The following MYO1C variants were observed in gnomAD, a reference collection of about 807,000 sequenced individuals.
The protein encoded by MYO1C is unconventional myosin-Ic.
MYO1C carries 104 observed loss-of-function variants against 150.8 expected under a neutral mutation model. That is an observed-to-expected ratio of 0.69 (90% CI 0.59 to 0.81). The LOEUF (loss-of-function observed/expected upper bound fraction) is 0.81, where lower values mean the gene tolerates loss of function less well. Ranked by LOEUF, MYO1C falls within the 30% of genes least tolerant of loss-of-function variation. The probability of loss-of-function intolerance (pLI) is 0.00; values close to 1 mark genes in which losing one functional copy is unlikely to be tolerated. For missense variants in MYO1C, 1,504 were observed against 1,435.0 expected (o/e 1.05, Z -0.78); for synonymous variants, 663 against 579.9 (o/e 1.14, Z -2.06).
chr17:1,481,828 A>T (rs2074529088), intron 5 of MYO1C, among the ~76,000 whole-genome samples: 1 of 146,974 alleles, frequency 6.8e-6, no homozygotes, highest in South Asian at 2.1e-4. Flanking sequence ...CTCAGAGTTA[A>T]AAAAAAAAAA....
chr17:1,477,687 A>T, intron 13 of MYO1C, 91 bp from the exon 14 acceptor site: 1 of 1,111,570 alleles, frequency 9.0e-7, no homozygotes, highest in Non-Finnish European at 1.4e-6. Flanking sequence ...GCACAGACAC[A>T]GGGGAGGGGC....
intron 1 of MYO1C, chr17:1,491,727 G>A: frequency 1.2e-6 from 1 of 842,314 alleles, no homozygotes; most frequent in Non-Finnish European, 1.4e-6. Context: ...TCGTCATCCC[G>A]GGCAGGGCCG....
intron 1 of MYO1C, chr17:1,484,600 G>A (rs1253628092): frequency 1.1e-5 from 6 of 552,664 alleles, no homozygotes; most frequent in Non-Finnish European, 9.8e-6. Flanking sequence ...ACAGGGCATG[G>A]ACGCAGGCAG....
chr17:1,467,918 G>T lies in MYO1C; in HGVS notation c.2897-8C>A, dbSNP rs776231426. 2 of 1,612,582 alleles carry T rather than the reference G, an allele frequency of 1.2e-6. No homozygotes were observed. Among genetic ancestry groups the T allele is most frequent in the East Asian group, 4.5e-5 (2 of 44,834 alleles). On this transcript the variant is annotated splice_polypyrimidine_tract_variant and splice_region_variant and intron_variant, in intron 28 of 31. Coordinates refer to ENST00000648651, the MANE Select transcript of MYO1C (RefSeq NM_001080779.2). ...GGCTGCTGACAGAGATTCCTGAGGG[G>T]AGAGGGCAAAGGTCAGAGGTCGAGG...
In MYO1C at chr17:1,469,477, C is replaced by A. The variant is rs935589074; in HGVS notation, c.2610+54G>T. 2.9e-6 allele frequency: 4 copies of A among 1,360,142 alleles called. No homozygotes were observed. In the African/African-American group the frequency reaches 6.6e-5, roughly 22 times the overall value. The allele number at this position is 1,360,142 out of a possible 1,614,324, so 84.3% of individuals were successfully genotyped here. The stretch of plus-strand genomic sequence containing the variant: ...CCAGGCGGACACCCTTTGAGCAATG[C>A]TTGCGACTCCCTGACTCCACTTCCT... On this transcript the variant is annotated intron_variant, in intron 25 of 31. Transcript: ENST00000648651.
rs773642191 is a variant in MYO1C, at chr17:1,478,050, C to G, written c.1401+37G>C. 1.9e-6 allele frequency: 3 copies of G among 1,612,748 alleles called. No individual in the cohort carries two copies. The highest frequency in any genetic ancestry group is 3.3e-5 in the Admixed American group (2 of 60,010). On this transcript the variant is annotated intron_variant, in intron 12 of 31. Transcript: ENST00000648651. The surrounding 1 kb of genome is among the most constrained non-coding windows in gnomAD (Gnocchi z 6.3). ...CAGGGGCCCCGATACCCAGGCTCCCCGTGGCCCACGGAGAGTGCCCCCAGG... is the reference window on the plus strand; with the variant it reads ...CAGGGGCCCCGATACCCAGGCTCCCGGTGGCCCACGGAGAGTGCCCCCAGG...
intron 23 of MYO1C, 48 bp downstream of exon 23, chr17:1,470,386 AC>A (rs1386717682): frequency 1.9e-6 from 3 of 1,543,598 alleles, no homozygotes; most frequent in Non-Finnish European, 8.8e-7. Context: ...GCGGTGAACC[AC>A]CCCCCACGCC....
chr17:1,486,645 A>G (rs2074661992), intron 1 of MYO1C, among the ~76,000 whole-genome samples: 1 of 151,944 alleles, frequency 6.6e-6, no homozygotes, highest in East Asian at 1.9e-4. Context: ...CCTCCCGAGT[A>G]GCTGGGATTA....
rs201086772 is a variant in MYO1C, at chr17:1,478,407, G to C, written c.1295+3C>G. 1.6e-5 allele frequency: 26 copies of C among 1,614,012 alleles called. No individual in the cohort carries two copies. Among genetic ancestry groups the C allele is most frequent in the Non-Finnish European group, 1.9e-5 (22 of 1,180,028 alleles). Reference sequence around the variant, plus strand: ...GGAGAGACGGGGGAAAGATGGCACCGACCTGTTATGCTGAAACACTTCAAA... The same window carrying C: ...GGAGAGACGGGGGAAAGATGGCACCCACCTGTTATGCTGAAACACTTCAAA... On this transcript the variant is annotated splice_donor_region_variant and intron_variant, in intron 11 of 31. Coordinates refer to ENST00000648651, the MANE Select transcript of MYO1C (RefSeq NM_001080779.2). The surrounding 1 kb of genome is among the most constrained non-coding windows in gnomAD (Gnocchi z 6.3).
In MYO1C at chr17:1,478,364, C is replaced by T; in HGVS notation, c.1295+46G>A. The T allele has an allele frequency of 6.2e-7, 1 of 1,607,360 alleles. No individual in the cohort carries two copies. The highest frequency in any genetic ancestry group is 8.5e-7 in the Non-Finnish European group (1 of 1,173,960). Reference sequence around the variant, plus strand: ...AGGCTGGAGGACAGAAGAGAGGGAGCAGGACAGGAGACCGGGAGGAGAGAC... The same window carrying T: ...AGGCTGGAGGACAGAAGAGAGGGAGTAGGACAGGAGACCGGGAGGAGAGAC... On this transcript the variant is annotated intron_variant, in intron 11 of 31. Coordinates refer to ENST00000648651, the MANE Select transcript of MYO1C (RefSeq NM_001080779.2). This position sits in a 1 kb window ranked among gnomAD's most constrained non-coding sequence, Gnocchi z 6.3.
intron 17 of MYO1C, among the ~76,000 whole-genome samples, chr17:1,472,881 A>C (rs1278253983): frequency 6.6e-6 from 1 of 152,136 alleles, no homozygotes; most frequent in Non-Finnish European, 1.5e-5. Context: ...CAGTGGCTGG[A>C]CAAGGGAGAC....
intron 19 of MYO1C, among the ~76,000 whole-genome samples, 179 bp downstream of exon 19, chr17:1,471,728 T>A (rs1004836567): frequency 6.6e-6 from 1 of 151,824 alleles, no homozygotes; most frequent in African/African-American, 2.4e-5. Context: ...AGCCGGGTAT[T>A]CTTTCCACCC....
intron 1 of MYO1C, chr17:1,484,872 T>TGCCCCC: frequency 5.9e-6 from 2 of 341,198 alleles, no homozygotes; most frequent in South Asian, 4.4e-5. Context: ...GGGCCGTCTC[T>TGCCCCC]CCCACCCAGA....
intron 1 of MYO1C, among the ~76,000 whole-genome samples, chr17:1,490,100 T>C (rs2074711669): frequency 6.6e-6 from 1 of 151,452 alleles, no homozygotes; most frequent in South Asian, 2.1e-4. Context: ...AATGTCCTTG[T>C]AGAGAGAAGG....
At chr17:1,472,093 G>A (rs2074316010) in intron 18 of MYO1C, 30 bp downstream of exon 18, 1 of 1,613,170 alleles carries the variant, frequency 6.2e-7, no homozygotes. Flanking sequence ...GGGAGGCCCG[G>A]CCCCGAAGTC....
intron 1 of MYO1C, chr17:1,485,691 C>T (rs1396951456): frequency 4.1e-6 from 5 of 1,207,628 alleles, no homozygotes; most frequent in Non-Finnish European, 5.2e-6. Context: ...CCCCCAGGCT[C>T]ACCGACGCCC....
rs982896754 is a variant in MYO1C, at chr17:1,479,894, C to T, written c.907-189G>A. Among the ~76,000 whole-genome samples, 16 of 152,166 alleles carry T rather than the reference C, an allele frequency of 1.1e-4. No homozygotes were observed. The highest frequency in any genetic ancestry group is 3.6e-4 in the African/African-American group (15 of 41,500). On this transcript the variant is annotated intron_variant, in intron 7 of 31. Coordinates refer to ENST00000648651, the MANE Select transcript of MYO1C (RefSeq NM_001080779.2). This position sits in a 1 kb window ranked among gnomAD's most constrained non-coding sequence, Gnocchi z 4.2. Reference sequence around the variant, plus strand: ...GGCACGGTGGCTGACGCCTGTAATCCCAGCACTTTGGGAGGCTGAGGCGGG... The same window carrying T: ...GGCACGGTGGCTGACGCCTGTAATCTCAGCACTTTGGGAGGCTGAGGCGGG...
rs936149724 is a variant in MYO1C at position 1,477,515 on chromosome 17, G to A, written c.1564C>T (p.His522Tyr). The change falls in exon 14 of 32, where the codon CAC becomes TAC. Residue 522 changes from histidine to tyrosine, a missense_variant. By Grantham distance (83) the His-to-Tyr change is moderately conservative (BLOSUM62 2). Coordinates refer to ENST00000648651, the MANE Select transcript of MYO1C (RefSeq NM_001080779.2). ...CGCAGCCCCACTCACGTCAGGAAGT[G>A]TGGATGGTGCTTGACAGTATCCTCC... ...KLEDTVKHHP[H>Y]FLTHKLADQR... 5.6e-6 allele frequency: 9 copies of A among 1,613,704 alleles called. No homozygotes were observed. Among genetic ancestry groups the A allele is most frequent in the Admixed American group, 1.7e-5 (1 of 60,022 alleles).
rs576906231 is a variant in MYO1C, at chr17:1,484,410, G to A, written c.76-107C>T. The A allele has an allele frequency of 1.0e-4, 138 of 1,362,606 alleles. No individual in the cohort carries two copies. The East Asian group carries it at 2.6e-3, about 25-fold the overall frequency. 84.4% of individuals were successfully genotyped at this position (1,362,606 alleles called of 1,614,324 possible). ...GGGAACGTAGGGGCTTGTGGACTCCGGGCTAGACACGGGACATGAGCATGA... is the reference window on the plus strand; with the variant it reads ...GGGAACGTAGGGGCTTGTGGACTCCAGGCTAGACACGGGACATGAGCATGA... On this transcript the variant is annotated intron_variant, in intron 1 of 31. Coordinates refer to ENST00000648651, the MANE Select transcript of MYO1C (RefSeq NM_001080779.2).
Sources: gnomAD v4.1 joint callset for allele counts (sites outside exome capture counted in the v4.1 genomes callset) on GRCh38, gnomAD v4.1.1 for gene constraint, Gnocchi (gnomAD v3.1) non-coding constraint, MANE v1.5 for transcripts, NCBI Gene and HGNC (gene_info 2026-07-23, HGNC 2026-07-21) for gene names.